The following ADGRL3 variants were observed in gnomAD, a reference collection of about 807,000 sequenced individuals.
ADGRL3 encodes the protein calcium-independent alpha-latrotoxin receptor 3.
Under a neutral mutation model 153.5 loss-of-function variants are expected in ADGRL3, and 62 were observed. The ratio of observed to expected loss-of-function variants is 0.40; its 90% CI spans 0.33 to 0.50. The LOEUF (loss-of-function observed/expected upper bound fraction) is 0.50. Ranked by LOEUF, ADGRL3 falls within the 20% of genes least tolerant of loss-of-function variation. ADGRL3 has a pLI of 0.47. For synonymous variants in ADGRL3, 710 were observed against 672.5 expected (o/e 1.06, Z -0.86); for missense variants, 1,641 against 1,859.4 (o/e 0.88, Z 2.16).
At chr4:61,516,245 A>G (rs2098493889) in intron 3 of ADGRL3, among the ~76,000 whole-genome samples, 1 of 152,108 alleles carries the variant, frequency 6.6e-6, no homozygotes, top group Admixed American at 6.5e-5. Context: ...ATAAATTTCT[A>G]GTGTTAGCAA....
At chr4:61,373,184 G>C (rs577251416) in intron 1 of ADGRL3, among the ~76,000 whole-genome samples, 1 of 152,130 alleles carries the variant, frequency 6.6e-6, no homozygotes, top group Non-Finnish European at 1.5e-5. Flanking sequence ...GAAATCACCC[G>C]TCTTCGTCGC....
chr4:61,572,272 A>G (rs554357073), intron 4 of ADGRL3, among the ~76,000 whole-genome samples: 10 of 152,220 alleles, frequency 6.6e-5, no homozygotes, highest in African/African-American at 9.6e-5. Flanking sequence ...TAGTTCCTCT[A>G]TGGAAACTGA....
chr4:61,467,976 A>T (rs191192321), intron 2 of ADGRL3, among the ~76,000 whole-genome samples: 242 of 152,232 alleles, frequency 1.6e-3, no homozygotes, highest in African/African-American at 5.3e-3. Context: ...GCTTTCTTTT[A>T]TTTGTGTGCT....
intron 1 of ADGRL3, among the ~76,000 whole-genome samples, chr4:61,369,357 G>A (rs544770709): frequency 6.6e-6 from 1 of 152,266 alleles, no homozygotes; most frequent in African/African-American, 2.4e-5. Flanking sequence ...TATGAGATTG[G>A]CTGTGGGTTT....
chr4:61,624,780 T>G (rs1056426366), intron 5 of ADGRL3, among the ~76,000 whole-genome samples: 1 of 152,132 alleles, frequency 6.6e-6, no homozygotes, highest in Non-Finnish European at 1.5e-5. Flanking sequence ...ATTAAGAATT[T>G]GAAGTGAAGA....
intron 1 of ADGRL3, among the ~76,000 whole-genome samples, chr4:61,365,122 C>T (rs779912474): frequency 9.2e-5 from 14 of 151,992 alleles, no homozygotes; most frequent in Non-Finnish European, 2.9e-5. Flanking sequence ...TATGACATTA[C>T]GACTATAATG....
chr4:61,731,439 A>AT (rs1029015627), intron 7 of ADGRL3, among the ~76,000 whole-genome samples: 1 of 152,004 alleles, frequency 6.6e-6, no homozygotes, highest in African/African-American at 2.4e-5. Flanking sequence ...TGATTTTCTA[A>AT]TTTTTTCACC....
chr4:61,239,422 A>G (rs1036359820), intron 1 of ADGRL3, among the ~76,000 whole-genome samples: 6 of 152,136 alleles, frequency 3.9e-5, no homozygotes, highest in African/African-American at 9.6e-5. Flanking sequence ...TTCGTCCTAT[A>G]TAGAATTCCC....
intron 6 of ADGRL3, among the ~76,000 whole-genome samples, chr4:61,705,525 T>C (rs7657925): frequency 0.68 from 102,283 of 149,754 alleles, 35,663 homozygotes; most frequent in East Asian, 0.86. Context: ...TGAGACAGAG[T>C]CTTGCTCTGT....
chr4:61,494,139 G>T (rs558537545), intron 2 of ADGRL3, among the ~76,000 whole-genome samples: 2 of 141,534 alleles, frequency 1.4e-5, no homozygotes, highest in South Asian at 2.2e-4. Flanking sequence ...CTGCTAATTT[G>T]CATTTTCTAT....
At chr4:61,286,675 C>G (rs72634741) in intron 1 of ADGRL3, among the ~76,000 whole-genome samples, 1 of 151,046 alleles carries the variant, frequency 6.6e-6, no homozygotes, top group African/African-American at 2.4e-5. Context: ...TTTTATATAT[C>G]GAGATAAACC....
intron 4 of ADGRL3, among the ~76,000 whole-genome samples, chr4:61,521,663 T>A (rs2098532005): frequency 6.6e-6 from 1 of 152,090 alleles, no homozygotes; most frequent in Non-Finnish European, 1.5e-5. Context: ...TAGATATTCA[T>A]TGCACATGTG....
rs2093096923 is a variant in ADGRL3 at position 61,270,371 on chromosome 4, G to A, written c.-240+68606G>A. On this transcript the variant is annotated intron_variant, in intron 1 of 26. Transcript: ENST00000683033. ...AATAATTAAATATTCCAAAGAAGGT[G>A]AGAATTTCAGAGAATTTTACTTGTT... Among the ~76,000 whole-genome samples the A allele has an allele frequency of 6.6e-5, 10 of 151,786 alleles. No homozygotes were observed. The South Asian group carries it at 2.1e-3, about 31-fold the overall frequency.
intron 1 of ADGRL3, among the ~76,000 whole-genome samples, chr4:61,279,988 C>A (rs2093650643): frequency 6.6e-6 from 1 of 152,002 alleles, no homozygotes; most frequent in South Asian, 2.1e-4. Flanking sequence ...GGAATGTACT[C>A]TGAGAAGTGT....
At chr4:61,988,014 TTAAA>T (rs2099091739) in intron 19 of ADGRL3, among the ~76,000 whole-genome samples, 1 of 152,152 alleles carries the variant, frequency 6.6e-6, no homozygotes, top group Admixed American at 6.5e-5. Flanking sequence ...GTTTCGTAGG[TTAAA>T]TAAATGCTAT....
intron 1 of ADGRL3, among the ~76,000 whole-genome samples, chr4:61,225,670 G>GT (rs555280456): frequency 5.3e-5 from 8 of 152,182 alleles, no homozygotes; most frequent in Non-Finnish European, 1.2e-4. Flanking sequence ...ACAGGCATCA[G>GT]TTGAATAGGC....
chr4:61,327,176 G>A (rs1036959067), intron 1 of ADGRL3, among the ~76,000 whole-genome samples: 1 of 151,950 alleles, frequency 6.6e-6, no homozygotes, highest in Non-Finnish European at 1.5e-5. Context: ...CAAAGTGAGA[G>A]CACCCGACGG....
chr4:61,473,023 A>T (rs910701405), intron 2 of ADGRL3, among the ~76,000 whole-genome samples: 11 of 152,118 alleles, frequency 7.2e-5, no homozygotes, highest in Non-Finnish European at 2.9e-5. Flanking sequence ...GAAAACTGTG[A>T]AGAGGACATT....
chr4:61,307,010 TG>T (rs1167785432), intron 1 of ADGRL3, among the ~76,000 whole-genome samples: 11 of 152,198 alleles, frequency 7.2e-5, no homozygotes, highest in African/African-American at 1.9e-4. Context: ...AATTGTTGGA[TG>T]TTTTTTGTGC....
Sources: gnomAD v4.1 joint callset for allele counts (sites outside exome capture counted in the v4.1 genomes callset) on GRCh38, gnomAD v4.1.1 for gene constraint, MANE v1.5 for transcripts, NCBI Gene and HGNC (gene_info 2026-07-23, HGNC 2026-07-21) for gene names.